ARHGAP26: variants seen among roughly 807,000 people sequenced by gnomAD.
ARHGAP26 encodes rho GTPase-activating protein 26.
In ARHGAP26, 38 loss-of-function variants were observed where a neutral mutation model predicts 104.8. The ratio of observed to expected loss-of-function variants is 0.36; its 90% CI spans 0.28 to 0.48. The LOEUF (loss-of-function observed/expected upper bound fraction) is 0.48, where lower values mean the gene tolerates loss of function less well. ARHGAP26 is among the 20% of genes least tolerant of loss of function. The pLI is 0.99. For missense variants in ARHGAP26, 704 were observed against 947.9 expected, an observed-to-expected ratio of 0.74 and a Z score of 3.38; for synonymous variants, 341 against 340.0, an observed-to-expected ratio of 1.00 and a Z score of -0.03.
chr5:143,149,592 C>T (rs1273876080), intron 20 of ARHGAP26, among the ~76,000 whole-genome samples: 1 of 152,160 alleles, frequency 6.6e-6, no homozygotes, highest in Non-Finnish European at 1.5e-5. Context: ...ACAGTACTTT[C>T]CCTGAGCAAT....
intron 11 of ARHGAP26, among the ~76,000 whole-genome samples, chr5:143,002,857 A>C (rs1325108240): frequency 6.6e-6 from 1 of 152,264 alleles, no homozygotes; most frequent in African/African-American, 2.4e-5. Flanking sequence ...AGGAAATTGC[A>C]TAACATTGCA....
At position 142,770,656 on chromosome 5, in the gene ARHGAP26, C is replaced by T; in HGVS notation, c.-106C>T. On this transcript the variant is annotated 5_prime_UTR_variant, in exon 1 of 23. Transcript: ENST00000645722. ...GCCAGCGCCACACCTGTGGAGCCGG[C>T]GGCCGTCGGGGGAGCCGGCCGGGGT... 1.2e-6 allele frequency: 1 copy of T among 846,024 alleles called. No homozygotes were observed. Among genetic ancestry groups the T allele is most frequent in the Non-Finnish European group, 1.4e-6 (1 of 691,228 alleles). 52.4% of individuals were successfully genotyped at this position (846,024 alleles called of 1,614,324 possible).
chr5:143,164,983 C>A (rs778633863), intron 20 of ARHGAP26: 2 of 152,246 alleles, frequency 1.3e-5, no homozygotes, highest in Non-Finnish European at 2.9e-5. Context: ...TATGCTGCCA[C>A]AGCCCTATGC....
intron 20 of ARHGAP26, among the ~76,000 whole-genome samples, chr5:143,153,399 G>T (rs908522688): frequency 6.6e-6 from 1 of 152,114 alleles, no homozygotes; most frequent in African/African-American, 2.4e-5. Flanking sequence ...GATGAGGGTC[G>T]TTCAATGGGT....
intron 11 of ARHGAP26, among the ~76,000 whole-genome samples, chr5:142,999,935 A>G (rs1248905428): frequency 6.6e-6 from 1 of 152,200 alleles, no homozygotes; most frequent in Non-Finnish European, 1.5e-5. Context: ...TAAAAAGAAG[A>G]ACCTAACTAA....
Position 143,146,769 on chromosome 5 carries a change from C to G in ARHGAP26, c.1838-462C>G, listed in dbSNP as rs971563268. Among the ~76,000 whole-genome samples, 11 of 152,216 alleles carry G rather than the reference C, an allele frequency of 7.2e-5. No individual in the cohort carries two copies. The East Asian group carries it at 1.7e-3, about 24-fold the overall frequency. Reference sequence around the variant, plus strand: ...ATAGTAGATCTTCTCTGGTGAGGCTCTATGGAATTGGAGGTGGGACATGGC... The same window carrying G: ...ATAGTAGATCTTCTCTGGTGAGGCTGTATGGAATTGGAGGTGGGACATGGC... On this transcript the variant is annotated intron_variant, in intron 19 of 22. Coordinates refer to ENST00000645722, the MANE Select transcript of ARHGAP26 (RefSeq NM_001135608.3).
intron 1 of ARHGAP26, among the ~76,000 whole-genome samples, chr5:142,815,045 G>T (rs866539396): frequency 3.9e-5 from 6 of 152,188 alleles, no homozygotes; most frequent in Non-Finnish European, 8.8e-5. Flanking sequence ...CTGTCACCCA[G>T]GCTGGAGTGG....
chr5:143,081,066 C>A lies in ARHGAP26; in HGVS notation c.1538+23319C>A, dbSNP rs147447746. On this transcript the variant is annotated intron_variant, in intron 17 of 22. Coordinates refer to ENST00000645722, the MANE Select transcript of ARHGAP26 (RefSeq NM_001135608.3). ...TTTTTGGCCTTCACTGGGGGAGAAA[C>A]GGAGGTCTTGTCTTGTTTTATTGTT... 3.1e-3 allele frequency among the ~76,000 whole-genome samples: 474 copies of A among 151,714 alleles called. 13 individuals are homozygous for A. In the East Asian group the frequency reaches 0.064, roughly 21 times the overall value.
intron 1 of ARHGAP26, among the ~76,000 whole-genome samples, chr5:142,872,280 C>T (rs1321533074): frequency 6.6e-6 from 1 of 152,182 alleles, no homozygotes; most frequent in Non-Finnish European, 1.5e-5. Context: ...TACTGGGAGT[C>T]ACGGATGCTT....
intron 1 of ARHGAP26, among the ~76,000 whole-genome samples, chr5:142,828,772 G>A (rs889384472): frequency 2.6e-5 from 4 of 152,202 alleles, no homozygotes; most frequent in Non-Finnish European, 2.9e-5. Flanking sequence ...AACTCTCTCC[G>A]CATGCTCAGG....
At chr5:142,782,955 A>T (rs1757815412) in intron 1 of ARHGAP26, among the ~76,000 whole-genome samples, 1 of 152,308 alleles carries the variant, frequency 6.6e-6, no homozygotes, top group South Asian at 2.1e-4. Flanking sequence ...GGAAATGCTG[A>T]TGCATGAGCT....
intron 1 of ARHGAP26, among the ~76,000 whole-genome samples, chr5:142,836,320 C>T (rs1769554033): frequency 6.6e-6 from 1 of 152,154 alleles, no homozygotes; most frequent in South Asian, 2.1e-4. Flanking sequence ...CAGCTTTTTT[C>T]CCCGGTGATG....
intron 12 of ARHGAP26, among the ~76,000 whole-genome samples, chr5:143,015,422 C>G (rs1779449018): frequency 6.6e-6 from 1 of 152,198 alleles, no homozygotes; most frequent in African/African-American, 2.4e-5. Flanking sequence ...GAGAAAGGGT[C>G]TTCTGGATAA....
intron 4 of ARHGAP26, among the ~76,000 whole-genome samples, chr5:142,883,395 C>T (rs950274845): frequency 5.9e-5 from 9 of 152,220 alleles, no homozygotes; most frequent in Non-Finnish European, 1.5e-5. Flanking sequence ...CCTGTACCCT[C>T]CTCAAATTTG....
At chr5:142,912,922 A>T (rs1334537142) in intron 9 of ARHGAP26, among the ~76,000 whole-genome samples, 2 of 152,198 alleles carry the variant, frequency 1.3e-5, no homozygotes, top group Non-Finnish European at 2.9e-5. Context: ...AATTAAAACA[A>T]TGTCAACACT....
At chr5:142,946,628 C>A (rs1350405442) in intron 11 of ARHGAP26, 2 of 152,168 alleles carry the variant, frequency 1.3e-5, no homozygotes, top group Non-Finnish European at 2.9e-5. Flanking sequence ...TTTAAAAACA[C>A]ATGTTGACAG....
At chr5:143,042,357 A>G (rs1165356603) in intron 14 of ARHGAP26, among the ~76,000 whole-genome samples, 2 of 152,228 alleles carry the variant, frequency 1.3e-5, no homozygotes, top group Non-Finnish European at 2.9e-5. Flanking sequence ...TAAAATATAT[A>G]TAACCAGAGA....
chr5:142,792,701 A>G (rs1009889760), intron 1 of ARHGAP26, among the ~76,000 whole-genome samples: 5 of 152,216 alleles, frequency 3.3e-5, no homozygotes, highest in African/African-American at 9.6e-5. Flanking sequence ...CTGTGCTTTC[A>G]GAGCAGGAGT....
intron 20 of ARHGAP26, among the ~76,000 whole-genome samples, chr5:143,153,203 T>C (rs759545603): frequency 6.6e-6 from 1 of 152,214 alleles, no homozygotes; most frequent in Non-Finnish European, 1.5e-5. Context: ...ACAAAATTTA[T>C]GGCTAATGGC....
Sources: gnomAD v4.1 joint callset for allele counts (sites outside exome capture counted in the v4.1 genomes callset) on GRCh38, gnomAD v4.1.1 for gene constraint, MANE v1.5 for transcripts, NCBI Gene and HGNC (gene_info 2026-07-23, HGNC 2026-07-21) for gene names.